XRN1: variants seen among roughly 807,000 people sequenced by gnomAD.
XRN1 encodes the protein strand-exchange protein 1 homolog.
A neutral mutation model predicts 222.3 loss-of-function variants in XRN1; 67 were observed. That is an observed-to-expected ratio of 0.30 (90% CI 0.25 to 0.37). The LOEUF is 0.37. Among genes scored for constraint, XRN1 ranks in the 10% least tolerant of loss-of-function variants. The pLI is 1.00. For missense variants in XRN1, 1,707 were observed against 2,000.2 expected, an observed-to-expected ratio of 0.85 and a Z score of 2.80; for synonymous variants, 643 against 652.4, an observed-to-expected ratio of 0.99 and a Z score of 0.22.
rs988303958 is a variant in XRN1 at position 142,447,281 on chromosome 3, T to C, written c.75+589A>G. 1.3e-5 allele frequency among the ~76,000 whole-genome samples: 2 copies of C among 152,238 alleles called. No homozygotes were observed. Among genetic ancestry groups the C allele is most frequent in the South Asian group, 2.1e-4 (1 of 4,834 alleles). ...CTCCCCAGCTGGCCCAAGAGTTTTT[T>C]GTTTTGGCAACAGGGGATTGGTGCT... On this transcript the variant is annotated intron_variant, in intron 1 of 40. Transcript: ENST00000392981. The surrounding 1 kb of genome is among the most constrained non-coding windows in gnomAD (Gnocchi z 4.2).
intron 2 of XRN1, 56 bp downstream of exon 2, chr3:142,432,605 A>G (rs2069680365): frequency 7.2e-7 from 1 of 1,394,422 alleles, no homozygotes; most frequent in Non-Finnish European, 9.7e-7. Context: ...TATCTTTAAA[A>G]TAACATATTT....
At chr3:142,357,731 A>G (rs1028164324) in intron 30 of XRN1, among the ~76,000 whole-genome samples, 3 of 151,030 alleles carry the variant, frequency 2.0e-5, no homozygotes, top group African/African-American at 4.9e-5. Context: ...CCTGGCCTCG[A>G]ACGTCTTAAA....
Position 142,423,580 on chromosome 3 carries a change from A to G in XRN1, c.690T>C (p.Phe230=). The stretch of plus-strand genomic sequence containing the variant: ...TTTACCGTTGTGTTTTTTTGCCACC[A>G]AATCGAACTTCTTCTCTTAAGAGAG... ...HFSLLREEVR[F]GGKKTQRVCA... is the part of the protein sequence containing the mutation. Residue 230 remains phenylalanine (F), a synonymous_variant, in exon 6 of 41, where the codon TTT becomes TTC. Coordinates refer to ENST00000392981, the MANE Select transcript of XRN1 (RefSeq NM_001282857.2). 1 of 1,601,404 alleles carries G rather than the reference A, an allele frequency of 6.2e-7. No homozygotes were observed. The highest frequency in any genetic ancestry group is 1.1e-5 in the South Asian group (1 of 88,090).
intron 37 of XRN1, among the ~76,000 whole-genome samples, chr3:142,326,187 T>C (rs923371750): frequency 3.9e-5 from 6 of 151,916 alleles, no homozygotes; most frequent in African/African-American, 1.4e-4. Context: ...CTGTCAAGAA[T>C]GTCATCGGTA....
chr3:142,372,980 T>C (rs1205055158), intron 25 of XRN1, among the ~76,000 whole-genome samples: 1 of 152,190 alleles, frequency 6.6e-6, no homozygotes, highest in African/African-American at 2.4e-5. Context: ...CAATCAGCTA[T>C]TTAGTGCCTC....
In XRN1 at chr3:142,432,210, T is replaced by TAAAAAATATATAA. The variant is rs1163457527; in HGVS notation, c.308+450_308+451insTTATATATTTTTT. ...ATATAAAATTTATTTTATATATAATTAATTATATATATAATTAATTATATA... is the reference window on the plus strand; with the variant it reads ...ATATAAAATTTATTTTATATATAATTAAAAAATATATAAAATTATATATATAATTAATTATATA... On this transcript the variant is annotated intron_variant, in intron 2 of 40. Coordinates refer to ENST00000392981, the MANE Select transcript of XRN1 (RefSeq NM_001282857.2). Among the ~76,000 whole-genome samples, 95 of 104,166 alleles carry TAAAAAATATATAA rather than the reference T, an allele frequency of 9.1e-4. 1 individual carries two copies. The highest frequency in any genetic ancestry group is 3.1e-3 in the African/African-American group (88 of 28,280). The allele number at this position is 104,166 out of a possible 152,430, so 68.3% of individuals were successfully genotyped here.
intron 31 of XRN1, among the ~76,000 whole-genome samples, chr3:142,356,317 C>T (rs996917962): frequency 2.6e-5 from 4 of 152,008 alleles, no homozygotes; most frequent in Non-Finnish European, 5.9e-5. Flanking sequence ...CTTGTGTTTC[C>T]TTTGTTATCA....
chr3:142,363,488 T>C (rs187185478), intron 29 of XRN1, among the ~76,000 whole-genome samples: 1 of 152,334 alleles, frequency 6.6e-6, no homozygotes, highest in East Asian at 1.9e-4. Flanking sequence ...GGACTCTAAT[T>C]ATATTCCATT....
intron 14 of XRN1, 126 bp from the exon 15 acceptor site, chr3:142,412,789 G>A (rs1250909335): frequency 4.1e-6 from 3 of 732,802 alleles, no homozygotes; most frequent in Non-Finnish European, 5.9e-6. Flanking sequence ...CTAAATTTTT[G>A]TACCTTTGAT....
At chr3:142,435,287 A>G (rs1266977594) in intron 1 of XRN1, 1 of 151,928 alleles carries the variant, frequency 6.6e-6, no homozygotes, top group Admixed American at 6.6e-5. Context: ...AGTCTCAGCT[A>G]CTCGGGAGAC....
chr3:142,403,076 T>C (rs1208492996), intron 18 of XRN1, among the ~76,000 whole-genome samples: 1 of 152,168 alleles, frequency 6.6e-6, no homozygotes, highest in Non-Finnish European at 1.5e-5. Context: ...ATAATGGTCA[T>C]GGGAAAATAA....
At chr3:142,445,208 ATTTAC>A (rs2070452410) in intron 1 of XRN1, among the ~76,000 whole-genome samples, 2 of 150,118 alleles carry the variant, frequency 1.3e-5, no homozygotes, top group African/African-American at 4.9e-5. Context: ...TTTTTTTTTC[ATTTAC>A]TTCTAACTTT....
At position 142,371,222 on chromosome 3, in the gene XRN1, T is replaced by C. The variant is rs1000122209; in HGVS notation, c.3068+17A>G. 2.5e-6 allele frequency: 4 copies of C among 1,593,046 alleles called. No homozygotes were observed. The highest frequency in any genetic ancestry group is 1.3e-5 in the African/African-American group (1 of 74,330). On this transcript the variant is annotated intron_variant, in intron 26 of 40. Transcript: ENST00000392981. ...GAATTGAACTATGAGGTAATAAATA[T>C]CATAAATCTTGCTTACCCATTCTCA... is the stretch of plus-strand genomic sequence containing the variant.
rs369924329 is a variant in XRN1 at position 142,403,711 on chromosome 3, A to G, written c.2066T>C (p.Met689Thr). 5.7e-5 allele frequency: 92 copies of G among 1,613,260 alleles called. No homozygotes were observed. The highest frequency in any genetic ancestry group is 7.5e-5 in the Non-Finnish European group (88 of 1,179,620). ...FQQSSRGENM[M>T]LEILVDAESD... ...TTCTGCATCCACTAAGATTTCCAACATCATGTTTTCTCCACGACTGCTTTG... is the reference window on the plus strand; with the variant it reads ...TTCTGCATCCACTAAGATTTCCAACGTCATGTTTTCTCCACGACTGCTTTG... Residue 689 changes from methionine (M) to threonine (T), a missense_variant, in exon 18 of 41, where the codon ATG (methionine) becomes ACG (threonine). Physicochemically the swap from Met to Thr is moderately conservative, Grantham distance 81. This residue lies in a region of XRN1 where 1,234 missense variants were observed against 1,518.2 expected (regional missense o/e 0.81). Transcript: ENST00000392981.
intron 33 of XRN1, among the ~76,000 whole-genome samples, chr3:142,344,103 G>A (rs1255436518): frequency 1.3e-5 from 2 of 149,368 alleles, no homozygotes; most frequent in South Asian, 4.3e-4. Flanking sequence ...TAGTGGGGGG[G>A]AGGGGTGGGA....
At chr3:142,375,389 T>G (rs1244342743) in intron 25 of XRN1, among the ~76,000 whole-genome samples, 1 of 152,190 alleles carries the variant, frequency 6.6e-6, no homozygotes, top group Non-Finnish European at 1.5e-5. Flanking sequence ...TCCTAGATAA[T>G]TTCAGCAATA....
rs142981832 is a variant in XRN1 at position 142,428,267 on chromosome 3, G to A, written c.309-1426C>T. Among the ~76,000 whole-genome samples, 269 of 151,656 alleles carry A rather than the reference G, an allele frequency of 1.8e-3. 3 individuals carry two copies. The highest frequency in any genetic ancestry group is 6.1e-3 in the African/African-American group (252 of 41,352). ...AAGAATTAGCCGGGTGTGGTGGTGC[G>A]GCCTGTAGTCCCAGCTACTTGGGAG... On this transcript the variant is annotated intron_variant, in intron 2 of 40. Transcript: ENST00000392981.
chr3:142,344,135 C>CA, intron 33 of XRN1, among the ~76,000 whole-genome samples: 1 of 151,264 alleles, frequency 6.6e-6, no homozygotes. Flanking sequence ...TTAGCAGGTA[C>CA]AAAAAAATAG....
At chr3:142,318,048 G>T (rs2065254325) in intron 39 of XRN1, among the ~76,000 whole-genome samples, 1 of 152,060 alleles carries the variant, frequency 6.6e-6, no homozygotes. Context: ...AATGCTTATT[G>T]TAAGCATTAG....
Sources: allele counts gnomAD v4.1 joint callset (sites outside exome capture counted in the v4.1 genomes callset), GRCh38; gene constraint gnomAD v4.1.1; regional missense constraint gnomAD v4.1.1; non-coding constraint Gnocchi (gnomAD v3.1); transcripts MANE v1.5; gene names NCBI Gene and HGNC (gene_info 2026-07-23, HGNC 2026-07-21).